The following GTF2E1 variants were observed in gnomAD, a reference collection of about 807,000 sequenced individuals.
GTF2E1 encodes general transcription factor IIE subunit 1, also known as TFIIE alpha subunit.
In GTF2E1, 14 loss-of-function variants were observed where a neutral mutation model predicts 34.9. That is an observed-to-expected ratio of 0.40 (90% CI 0.27 to 0.63). The LOEUF (loss-of-function observed/expected upper bound fraction) is 0.63. Among genes scored for constraint, GTF2E1 ranks in the 20% least tolerant of loss-of-function variants. GTF2E1 has a pLI of 0.39. For synonymous variants in GTF2E1, 188 were observed against 192.9 expected (o/e 0.97, Z 0.21); for missense variants, 469 against 557.7 (o/e 0.84, Z 1.60).
At chr3:120,751,147 T>C in intron 2 of GTF2E1, 147 bp downstream of exon 2, 2 of 588,442 alleles carry the variant, frequency 3.4e-6, no homozygotes, top group South Asian at 2.4e-5. Flanking sequence ...TCAGTCTTAC[T>C]GTCCTGTTTG....
intron 2 of GTF2E1, among the ~76,000 whole-genome samples, chr3:120,753,602 G>A (rs1709185306): frequency 6.6e-6 from 1 of 152,136 alleles, no homozygotes; most frequent in African/African-American, 2.4e-5. Flanking sequence ...TCAAGTGTAT[G>A]GGCAGCTCTC....
At chr3:120,778,959 C>T (rs1408160499) in intron 4 of GTF2E1, among the ~76,000 whole-genome samples, 1 of 152,132 alleles carries the variant, frequency 6.6e-6, no homozygotes, top group East Asian at 1.9e-4. Context: ...TTTGCTGCAA[C>T]TTGGCCTTTC....
At chr3:120,743,924 C>A (rs912034206) in intron 1 of GTF2E1, among the ~76,000 whole-genome samples, 2 of 152,070 alleles carry the variant, frequency 1.3e-5, no homozygotes, top group Non-Finnish European at 2.9e-5. Context: ...TTAAAATACA[C>A]GTGGGTCTGG....
chr3:120,771,742 G>T (rs1709353294), intron 3 of GTF2E1, among the ~76,000 whole-genome samples: 1 of 152,052 alleles, frequency 6.6e-6, no homozygotes, highest in Admixed American at 6.6e-5. Flanking sequence ...TGAGTAAATT[G>T]GGCTCCTTTT....
intron 4 of GTF2E1, among the ~76,000 whole-genome samples, chr3:120,778,542 CTT>C (rs1268287791): frequency 6.6e-6 from 1 of 152,152 alleles, no homozygotes; most frequent in African/African-American, 2.4e-5. Flanking sequence ...AAACAGTTCT[CTT>C]TTCCACTGCT....
At chr3:120,761,038 G>C (rs907070779) in intron 2 of GTF2E1, among the ~76,000 whole-genome samples, 2 of 151,370 alleles carry the variant, frequency 1.3e-5, no homozygotes, top group Admixed American at 1.3e-4. Context: ...GAATTCAGCT[G>C]TGTCTGGTCC....
intron 3 of GTF2E1, among the ~76,000 whole-genome samples, chr3:120,774,084 T>C (rs1709378471): frequency 6.6e-6 from 1 of 152,010 alleles, no homozygotes; most frequent in South Asian, 2.1e-4. Flanking sequence ...AACCTCAGAG[T>C]GAGTGAGTCA....
intron 2 of GTF2E1, among the ~76,000 whole-genome samples, chr3:120,756,037 A>G (rs978754000): frequency 3.9e-5 from 6 of 152,170 alleles, no homozygotes; most frequent in Non-Finnish European, 8.8e-5. Flanking sequence ...GTTGCTTCCA[A>G]ATCTTAGCTA....
At chr3:120,778,332 A>G (rs1709418377) in intron 4 of GTF2E1, among the ~76,000 whole-genome samples, 1 of 152,198 alleles carries the variant, frequency 6.6e-6, no homozygotes, top group Admixed American at 6.5e-5. Flanking sequence ...ATAGGATAGT[A>G]TGTTGTCATG....
chr3:120,776,318 A>C, intron 3 of GTF2E1, 105 bp from the exon 4 acceptor site: 6 of 967,598 alleles, frequency 6.2e-6, no homozygotes, highest in Non-Finnish European at 9.3e-6. Flanking sequence ...GCTAGGTAGC[A>C]TTTACATGTA....
chr3:120,742,891 C>T (rs1034931713), intron 1 of GTF2E1, 97 bp downstream of exon 1: 7 of 292,780 alleles, frequency 2.4e-5, no homozygotes, highest in Non-Finnish European at 4.0e-5. Flanking sequence ...CTATCCTCCC[C>T]TAATGAATTA....
intron 2 of GTF2E1, among the ~76,000 whole-genome samples, chr3:120,756,596 G>A (rs1161970739): frequency 6.6e-6 from 1 of 152,034 alleles, no homozygotes; most frequent in Non-Finnish European, 1.5e-5. Context: ...TTAAAATTCT[G>A]CTGCTTTTGA....
At chr3:120,771,530 T>C (rs913583871) in intron 3 of GTF2E1, among the ~76,000 whole-genome samples, 7 of 152,088 alleles carry the variant, frequency 4.6e-5, no homozygotes, top group African/African-American at 1.2e-4. Flanking sequence ...TAAATGAAAA[T>C]TGGGGTCAGG....
chr3:120,765,858 T>TAC (rs1709303218), intron 2 of GTF2E1, among the ~76,000 whole-genome samples: 1 of 152,210 alleles, frequency 6.6e-6, no homozygotes, highest in South Asian at 2.1e-4. Context: ...AAGCTTTGCC[T>TAC]AAAGAATCTT....
At chr3:120,767,479 G>C (rs950911369) in intron 2 of GTF2E1, among the ~76,000 whole-genome samples, 3 of 152,128 alleles carry the variant, frequency 2.0e-5, no homozygotes, top group Non-Finnish European at 2.9e-5. Flanking sequence ...TTAAGCTCAG[G>C]CTCTCTTTCC....
intron 2 of GTF2E1, among the ~76,000 whole-genome samples, chr3:120,760,287 A>G (rs1709248795): frequency 6.6e-6 from 1 of 152,156 alleles, no homozygotes; most frequent in African/African-American, 2.4e-5. Context: ...TTGTGTCCTG[A>G]GACTTTGCTG....
In GTF2E1 at chr3:120,777,526, C is replaced by T. The variant is rs76504556; in HGVS notation, c.892+862C>T. On this transcript the variant is annotated intron_variant, in intron 4 of 4. Transcript: ENST00000283875. ...TAGCTGAAAACCACTTGTTTTTTGG[C>T]GTTTCTCCTAGCCTCTTTTCCCTTC... 2.9e-4 allele frequency among the ~76,000 whole-genome samples: 44 copies of T among 152,128 alleles called. No individual in the cohort carries two copies. In the East Asian group the frequency reaches 6.8e-3, roughly 23 times the overall value.
At chr3:120,762,129 A>T (rs750191130) in intron 2 of GTF2E1, among the ~76,000 whole-genome samples, 28 of 152,114 alleles carry the variant, frequency 1.8e-4, no homozygotes, top group Non-Finnish European at 2.5e-4. Context: ...GTATTTTACT[A>T]CCAATTATGT....
Position 120,776,442 on chromosome 3 carries a change from A to G in GTF2E1, c.670A>G (p.Thr224Ala), listed in dbSNP as rs1307779375. 6.2e-7 allele frequency: 1 copy of G among 1,612,460 alleles called. No homozygotes were observed. Among genetic ancestry groups the G allele is most frequent in the African/African-American group, 1.3e-5 (1 of 74,848 alleles). The change falls in exon 4 of 5, where the codon ACT (threonine) becomes GCT (alanine). Residue 224 changes from threonine to alanine, a missense_variant. Physicochemically the swap from Thr to Ala is moderately conservative, Grantham distance 58. Transcript: ENST00000283875. ...ATATAGCAAGGACCATGCAGCAACT[A>G]CTGCTGGAGCTGCTAGCCTAGCAGG... ...LKQSKDHAAT[T>A]AGAASLAGGH... is the part of the protein sequence containing the mutation.
Sources: gnomAD v4.1 joint callset for allele counts (sites outside exome capture counted in the v4.1 genomes callset) on GRCh38, gnomAD v4.1.1 for gene constraint, MANE v1.5 for transcripts, NCBI Gene and HGNC (gene_info 2026-07-23, HGNC 2026-07-21) for gene names.